PLA2R1: variants seen among roughly 807,000 people sequenced by gnomAD.
PLA2R1 encodes the protein secretory phospholipase A2 receptor.
PLA2R1 carries 158 observed loss-of-function variants against 195.9 expected under a neutral mutation model. That is an observed-to-expected ratio of 0.81 (90% CI 0.71 to 0.92). The LOEUF is 0.92. Among genes scored for constraint, PLA2R1 ranks in the 40% least tolerant of loss-of-function variants. The pLI is 0.00. For synonymous variants in PLA2R1, 586 were observed against 598.2 expected, an observed-to-expected ratio of 0.98 and a Z score of 0.30; for missense variants, 1,626 against 1,764.6, an observed-to-expected ratio of 0.92 and a Z score of 1.41.
chr2:159,947,400 C>T lies in PLA2R1; in HGVS notation c.3850+19G>A, dbSNP rs752556905. On this transcript the variant is annotated intron_variant, in intron 26 of 29. Transcript: ENST00000283243. ...GAAGGAGCACATGAAAGCATTTTTA[C>T]CATCACAAAAACAATTACCTTCCTT... 2 of 1,583,296 alleles carry T rather than the reference C, an allele frequency of 1.3e-6. No homozygotes were observed. Among genetic ancestry groups the T allele is most frequent in the Non-Finnish European group, 8.6e-7 (1 of 1,167,272 alleles).
intron 27 of PLA2R1, among the ~76,000 whole-genome samples, chr2:159,945,532 AT>A (rs1307227311): frequency 1.2e-4 from 19 of 152,238 alleles, no homozygotes; most frequent in South Asian, 2.1e-4. Flanking sequence ...TGAACTCATC[AT>A]TTTTTTATGG....
chr2:160,030,229 A>C (rs1053564800), intron 4 of PLA2R1, among the ~76,000 whole-genome samples: 3 of 152,354 alleles, frequency 2.0e-5, no homozygotes, highest in Non-Finnish European at 2.9e-5. Context: ...GGTGCTTTAT[A>C]ATTTTGAGAC....
At chr2:160,032,565 G>A (rs1298215476) in intron 4 of PLA2R1, among the ~76,000 whole-genome samples, 1 of 152,190 alleles carries the variant, frequency 6.6e-6, no homozygotes, top group African/African-American at 2.4e-5. Flanking sequence ...CCTGCACATG[G>A]TGAATGATAT....
At chr2:159,989,042 C>G (rs1305986448) in intron 11 of PLA2R1, among the ~76,000 whole-genome samples, 1 of 152,102 alleles carries the variant, frequency 6.6e-6, no homozygotes, top group African/African-American at 2.4e-5. Context: ...CAGAGACCCT[C>G]AAAGGTAAAA....
intron 1 of PLA2R1, among the ~76,000 whole-genome samples, chr2:160,051,926 A>C (rs961654771): frequency 6.6e-6 from 1 of 152,230 alleles, no homozygotes; most frequent in African/African-American, 2.4e-5. Flanking sequence ...AGTTCCTGTC[A>C]GTTGCCTTCT....
intron 13 of PLA2R1, among the ~76,000 whole-genome samples, chr2:159,980,621 T>C (rs371062424): frequency 9.9e-5 from 15 of 152,282 alleles, no homozygotes; most frequent in African/African-American, 3.1e-4. Context: ...GTTGTCACCA[T>C]TGGTTTATAC....
the PLA2R1 span, among the ~76,000 whole-genome samples, chr2:159,926,827 C>G: frequency 6.6e-6 from 1 of 152,134 alleles, no homozygotes; most frequent in Non-Finnish European, 1.5e-5. Flanking sequence ...CCTGAAGAGA[C>G]AGTGTGTTTG....
chr2:160,056,007 C>T (rs1466516544), intron 1 of PLA2R1, among the ~76,000 whole-genome samples: 2 of 152,044 alleles, frequency 1.3e-5, no homozygotes, highest in African/African-American at 4.8e-5. Context: ...AACCATTCTT[C>T]CCCCCATTCA....
chr2:159,984,960 T>C (rs1292224088), intron 12 of PLA2R1, among the ~76,000 whole-genome samples: 1 of 152,122 alleles, frequency 6.6e-6, no homozygotes, highest in Non-Finnish European at 1.5e-5. Flanking sequence ...TCTTTTAAAT[T>C]ATATGTCAAA....
At chr2:159,951,829 G>A (rs1315283545) in intron 23 of PLA2R1, among the ~76,000 whole-genome samples, 1 of 152,184 alleles carries the variant, frequency 6.6e-6, no homozygotes, top group East Asian at 1.9e-4. Flanking sequence ...AGATTTCCCA[G>A]TTTTGACCAT....
At chr2:160,005,929 T>A (rs1411002661) in intron 10 of PLA2R1, 108 bp from the exon 11 acceptor site, 2 of 741,712 alleles carry the variant, frequency 2.7e-6, no homozygotes, top group East Asian at 2.5e-5. Context: ...GCATTTCTCA[T>A]CAATTCTTTA....
At chr2:159,970,126 G>C in intron 18 of PLA2R1, 22 bp downstream of exon 18, 1 of 1,511,260 alleles carries the variant, frequency 6.6e-7, no homozygotes, top group Middle Eastern at 1.7e-4. Context: ...AAAATTAAAT[G>C]CAAATGAATC....
chr2:160,005,363 AGGTC>A (rs1355870561), intron 11 of PLA2R1, among the ~76,000 whole-genome samples: 5 of 152,162 alleles, frequency 3.3e-5, no homozygotes, highest in Non-Finnish European at 7.3e-5. Context: ...TGAGCCCAGG[AGGTC>A]AAGGCTGCAG....
chr2:160,020,223 T>C lies in PLA2R1; in HGVS notation c.1335A>G (p.Lys445=), dbSNP rs1320745010. The change falls in exon 8 of 30, where the codon AAA becomes AAG. Residue 445 remains lysine (K), a synonymous_variant. Coordinates refer to ENST00000283243, the MANE Select transcript of PLA2R1 (RefSeq NM_007366.5). The part of the protein sequence containing the change: ...SETWIGLSSN[K]IPVSFEWSND... ...TAGACCATTCAAAGGAAACTGGAATTTTATTGCTGCTCAAACCAATCCATG... is the reference window on the plus strand; with the variant it reads ...TAGACCATTCAAAGGAAACTGGAATCTTATTGCTGCTCAAACCAATCCATG... 1 of 1,611,890 alleles carries C rather than the reference T, an allele frequency of 6.2e-7. No individual in the cohort carries two copies. Among genetic ancestry groups the C allele is most frequent in the Admixed American group, 1.7e-5 (1 of 59,974 alleles).
At chr2:160,039,257 C>A (rs560456402) in intron 3 of PLA2R1, among the ~76,000 whole-genome samples, 3 of 152,174 alleles carry the variant, frequency 2.0e-5, no homozygotes, top group South Asian at 4.2e-4. Flanking sequence ...AGGTTGGTAT[C>A]GTAAAAATAT....
At chr2:159,999,788 C>A (rs1573861216) in intron 11 of PLA2R1, among the ~76,000 whole-genome samples, 1 of 152,068 alleles carries the variant, frequency 6.6e-6, no homozygotes, top group African/African-American at 2.4e-5. Context: ...AGAGACATCT[C>A]AAAGATTGAG....
intron 24 of PLA2R1, among the ~76,000 whole-genome samples, chr2:159,950,257 T>C (rs894401469): frequency 7.2e-5 from 11 of 152,204 alleles, no homozygotes; most frequent in African/African-American, 2.4e-4. Context: ...TGAAATATCA[T>C]TCATTTATCT....
chr2:159,930,225 G>A (rs372617613), downstream of PLA2R1, among the ~76,000 whole-genome samples: 45 of 152,202 alleles, frequency 3.0e-4, no homozygotes, highest in East Asian at 3.7e-3. Context: ...TGGCTAACAC[G>A]GTGAAACCCC....
chr2:159,989,882 C>A (rs75190066), intron 11 of PLA2R1, among the ~76,000 whole-genome samples: 4,382 of 152,234 alleles, frequency 0.029, 104 homozygotes, highest in South Asian at 0.047. Context: ...CTTTCCCACA[C>A]CAGACAATGA....
Sources: gnomAD v4.1 joint callset for allele counts (sites outside exome capture counted in the v4.1 genomes callset) on GRCh38, gnomAD v4.1.1 for gene constraint, MANE v1.5 for transcripts, NCBI Gene and HGNC (gene_info 2026-07-23, HGNC 2026-07-21) for gene names.